Variants in PECAM1 observed in about 807,000 individuals in gnomAD.
PECAM1 encodes the protein platelet endothelial cell adhesion molecule.
Under a neutral mutation model 13.8 loss-of-function variants are expected in PECAM1, and 8 were observed. The ratio of observed to expected loss-of-function variants is 0.58; its 90% CI spans 0.34 to 1.05. The LOEUF (loss-of-function observed/expected upper bound fraction) is 1.05, where lower values mean the gene tolerates loss of function less well. Ranked by LOEUF, PECAM1 falls within the 50% of genes least tolerant of loss-of-function variation. PECAM1 has a pLI of 0.03. For synonymous variants in PECAM1, 136 were observed against 52.6 expected, an observed-to-expected ratio of 2.58 and a Z score of -6.86; for missense variants, 304 against 141.2, an observed-to-expected ratio of 2.15 and a Z score of -5.84.
intron 5 of PECAM1, among the ~76,000 whole-genome samples, chr17:64,368,228 A>G (rs1364016830): frequency 1.3e-5 from 2 of 152,214 alleles, no homozygotes; most frequent in Non-Finnish European, 2.9e-5. Flanking sequence ...TTAAGGATAT[A>G]GCACTGAACA....
Position 64,319,926 on chromosome 17 carries a change from C to CT in PECAM1, c.*3889dup, listed in dbSNP as rs1555644215. ...TTTACAGAGACAGTTTAACAACCAC[C>CT]TGACCATCACCTGATGGTAGCCTGA... On this transcript the variant is annotated 3_prime_UTR_variant, in exon 16 of 16. Transcript: ENST00000563924. The CT allele has an allele frequency of 6.6e-6, 1 of 152,188 alleles. No individual in the cohort carries two copies. The highest frequency in any genetic ancestry group is 2.4e-5 in the African/African-American group (1 of 41,442). 9.4% of individuals were successfully genotyped at this position (152,188 alleles called of 1,614,324 possible).
At position 64,350,153 on chromosome 17, in the gene PECAM1, C is replaced by T. The variant is rs1009699713; in HGVS notation, c.2044+227G>A. Among the ~76,000 whole-genome samples, 6 of 152,240 alleles carry T rather than the reference C, an allele frequency of 3.9e-5. No individual in the cohort carries two copies. In the East Asian group the frequency reaches 1.2e-3, roughly 29 times the overall value. On this transcript the variant is annotated intron_variant, in intron 12 of 15. Transcript: ENST00000563924. The stretch of plus-strand genomic sequence containing the variant: ...TCAGGAAGTTGTTTTTTGAGTATAA[C>T]CCAGTTCTTCCCTACTTTGATTTAG...
intron 14 of PECAM1, among the ~76,000 whole-genome samples, chr17:64,332,512 T>C (rs964699949): frequency 6.6e-6 from 1 of 152,130 alleles, no homozygotes; most frequent in Non-Finnish European, 1.5e-5. Context: ...ATCACCAAAG[T>C]TGAATTGGAG....
At chr17:64,333,736 T>C (rs946033776) in intron 14 of PECAM1, among the ~76,000 whole-genome samples, 2,570 of 151,406 alleles carry the variant, frequency 0.017, 71 homozygotes, top group African/African-American at 0.058. Context: ...GGCGGGCGGA[T>C]TGCTTGAGCT....
intron 14 of PECAM1, among the ~76,000 whole-genome samples, chr17:64,330,468 C>G (rs935375860): frequency 6.6e-6 from 1 of 151,990 alleles, no homozygotes; most frequent in Non-Finnish European, 1.5e-5. Flanking sequence ...GAAATCCCAT[C>G]TCTACTAAAA....
At chr17:64,342,633 A>T (rs2035463544) in intron 13 of PECAM1, among the ~76,000 whole-genome samples, 1 of 151,910 alleles carries the variant, frequency 6.6e-6, no homozygotes, top group South Asian at 2.1e-4. Flanking sequence ...GGATCTCCTC[A>T]GGGGCCCTAA....
intron 13 of PECAM1, among the ~76,000 whole-genome samples, chr17:64,342,722 T>C (rs2035466099): frequency 6.6e-6 from 1 of 152,072 alleles, no homozygotes. Context: ...GTGTGGCGTA[T>C]ACCTGGAGGA....
In PECAM1 at chr17:64,322,521, A is replaced by G; in HGVS notation, c.*1295T>C. The G allele has an allele frequency of 6.1e-6, 6 of 985,416 alleles. No individual in the cohort carries two copies. The highest frequency in any genetic ancestry group is 7.2e-6 in the Non-Finnish European group (6 of 829,938). The allele number at this position is 985,416 out of a possible 1,614,324, so 61.0% of individuals were successfully genotyped here. On this transcript the variant is annotated 3_prime_UTR_variant, in exon 16 of 16. Coordinates refer to ENST00000563924, the MANE Select transcript of PECAM1 (RefSeq NM_000442.5). ...ACAGATCTGCAAAGAGCAAAGGTCA[A>G]ATTTATTTAATACAACATCCACGAG... is the stretch of plus-strand genomic sequence containing the variant.
chr17:64,383,039 C>CA (rs1183939356), intron 2 of PECAM1, among the ~76,000 whole-genome samples: 10 of 151,874 alleles, frequency 6.6e-5, no homozygotes, highest in African/African-American at 2.2e-4. Context: ...GACTCCATCT[C>CA]AAAAAAAATA....
chr17:64,332,220 C>T (rs993570940), intron 14 of PECAM1, among the ~76,000 whole-genome samples: 6 of 152,084 alleles, frequency 3.9e-5, no homozygotes, highest in Non-Finnish European at 8.8e-5. Flanking sequence ...ATGAATCAGC[C>T]CAACGCTAAT....
intron 3 of PECAM1, among the ~76,000 whole-genome samples, chr17:64,376,970 T>C (rs1598049825): frequency 6.6e-6 from 1 of 152,110 alleles, no homozygotes; most frequent in African/African-American, 2.4e-5. Context: ...AGGAAGACTC[T>C]GTCTCAAAAT....
intron 7 of PECAM1, among the ~76,000 whole-genome samples, chr17:64,359,252 T>C (rs2035918002): frequency 6.6e-6 from 1 of 152,144 alleles, no homozygotes; most frequent in Non-Finnish European, 1.5e-5. Flanking sequence ...ATTAAACTTT[T>C]TACAACAGGA....
chr17:64,377,083 A>C (rs1418802776), intron 3 of PECAM1, among the ~76,000 whole-genome samples: 1 of 152,196 alleles, frequency 6.6e-6, no homozygotes, highest in African/African-American at 2.4e-5. Flanking sequence ...ATTGCCTGAA[A>C]TGGGTATCGT....
chr17:64,344,812 T>C (rs2143747245), intron 13 of PECAM1, among the ~76,000 whole-genome samples: 1 of 152,146 alleles, frequency 6.6e-6, no homozygotes, highest in East Asian at 1.9e-4. Flanking sequence ...AAAACTCAAA[T>C]TGAATTCCCA....
rs1045863178 is a variant in PECAM1 at position 64,323,323 on chromosome 17, C to T, written c.*493G>A. The T allele has an allele frequency of 9.5e-7, 1 of 1,049,646 alleles. No homozygotes were observed. 65.0% of individuals were successfully genotyped at this position (1,049,646 alleles called of 1,614,324 possible). On this transcript the variant is annotated 3_prime_UTR_variant, in exon 16 of 16. Coordinates refer to ENST00000563924, the MANE Select transcript of PECAM1 (RefSeq NM_000442.5). ...ACAGGGGGAGGCTGTCTGGTCAGCACTGTGTATTTCCAAAGAACAAGGACT... is the reference window on the plus strand; with the variant it reads ...ACAGGGGGAGGCTGTCTGGTCAGCATTGTGTATTTCCAAAGAACAAGGACT...
At chr17:64,385,691 T>C (rs894591329) in intron 2 of PECAM1, among the ~76,000 whole-genome samples, 14 of 152,012 alleles carry the variant, frequency 9.2e-5, no homozygotes, top group Non-Finnish European at 1.3e-4. Context: ...ACTCCAGTGA[T>C]ATCAGTAAGC....
chr17:64,333,874 G>A (rs2035194025), intron 14 of PECAM1, among the ~76,000 whole-genome samples: 1 of 149,704 alleles, frequency 6.7e-6, no homozygotes, highest in African/African-American at 2.5e-5. Flanking sequence ...GCCTGGGGAG[G>A]TGGAGGTTGC....
In PECAM1 at chr17:64,335,187, A is replaced by G. The variant is rs948928569; in HGVS notation, c.2165-5465T>C. ...CTGACCTGCCTCCAGCCCATACCTC[A>G]TCTCACAGAGAAGGTGACCAAGGTC... On this transcript the variant is annotated intron_variant, in intron 14 of 15. Transcript: ENST00000563924. 2.6e-5 allele frequency among the ~76,000 whole-genome samples: 4 copies of G among 152,274 alleles called. No homozygotes were observed. In the South Asian group the frequency reaches 8.3e-4, roughly 32 times the overall value.
At chr17:64,360,469 C>T (rs1462785442) in intron 6 of PECAM1, 54 bp from the exon 7 acceptor site, 2 of 464,858 alleles carry the variant, frequency 4.3e-6, no homozygotes, top group Non-Finnish European at 7.9e-6. Context: ...AGCAAAGCAT[C>T]CAGCACAAGA....
Sources: gnomAD v4.1 joint callset for allele counts (sites outside exome capture counted in the v4.1 genomes callset) on GRCh38, gnomAD v4.1.1 for gene constraint, MANE v1.5 for transcripts, NCBI Gene and HGNC (gene_info 2026-07-23, HGNC 2026-07-21) for gene names.